Variants in CSMD1 observed in about 807,000 individuals in gnomAD.
CSMD1 encodes the protein CUB and Sushi multiple domains 1.
A neutral mutation model predicts 417.5 loss-of-function variants in CSMD1; 213 were observed. The observed-to-expected ratio is 0.51, with a 90% CI of 0.46 to 0.57. The LOEUF is 0.57. CSMD1 is among the 20% of genes least tolerant of loss of function. The probability of loss-of-function intolerance (pLI) is 0.00; values close to 1 mark genes in which losing one functional copy is unlikely to be tolerated. For synonymous variants in CSMD1, 2,862 were observed against 1,736.8 expected (o/e 1.65, Z -16.11); for missense variants, 6,923 against 4,529.7 (o/e 1.53, Z -15.17).
chr8:3,367,090 C>T lies in CSMD1; in HGVS notation c.3057G>A (p.Gln1019=). The T allele has an allele frequency of 1.9e-6, 3 of 1,613,830 alleles. No homozygotes were observed. The highest frequency in any genetic ancestry group is 1.1e-5 in the South Asian group (1 of 91,026). Residue 1019 remains glutamine (Q), a synonymous_variant, in exon 20 of 70, where the codon CAG becomes CAA. Coordinates refer to ENST00000635120, the MANE Select transcript of CSMD1 (RefSeq NM_033225.6). ...TTGAGAAGTCTGATATAAACCGAAG[C>T]TGGGCAGTGAAGTTTCCAAACAGGC... ...KAGLFGNFTA[Q]LRFISDFSIS... is the part of the protein sequence containing the mutation.
intron 3 of CSMD1, among the ~76,000 whole-genome samples, chr8:4,117,908 T>C (rs1233579025): frequency 8.0e-6 from 1 of 124,542 alleles, no homozygotes; most frequent in Non-Finnish European, 1.7e-5. Flanking sequence ...CATTTAAAAC[T>C]AGAGAAAGAA....
At chr8:4,148,886 T>C (rs1317981994) in intron 3 of CSMD1, among the ~76,000 whole-genome samples, 1 of 152,310 alleles carries the variant, frequency 6.6e-6, no homozygotes, top group East Asian at 1.9e-4. Flanking sequence ...ACAGCCTGCA[T>C]TCCATTCCCA....
chr8:3,878,804 C>G (rs796470897), intron 5 of CSMD1, among the ~76,000 whole-genome samples: 1 of 152,088 alleles, frequency 6.6e-6, no homozygotes, highest in East Asian at 1.9e-4. Context: ...ACTATAACGA[C>G]GACCACAAAT....
intron 2 of CSMD1, among the ~76,000 whole-genome samples, chr8:4,634,020 G>C (rs1480026109): frequency 1.3e-5 from 2 of 149,606 alleles, no homozygotes; most frequent in Non-Finnish European, 3.0e-5. Flanking sequence ...ACAATGAAGA[G>C]ATGCTTTAAT....
chr8:4,538,211 C>G (rs1422585723), intron 2 of CSMD1, among the ~76,000 whole-genome samples: 4 of 145,104 alleles, frequency 2.8e-5, no homozygotes, highest in Non-Finnish European at 6.0e-5. Context: ...TTTTTGCCTG[C>G]TATTTACTGC....
In CSMD1 at chr8:2,963,131, G is replaced by T. The variant is rs1803643603; in HGVS notation, c.9454+91C>A. 2.2e-6 allele frequency: 3 copies of T among 1,367,202 alleles called. No individual in the cohort carries two copies. In the African/African-American group the frequency reaches 4.3e-5, roughly 20 times the overall value. The allele number at this position is 1,367,202 out of a possible 1,614,324, so 84.7% of individuals were successfully genotyped here. ...AGGGCTATTATTACCCACCAGGAAG[G>T]TCCTCAGATTGTAACCTTAGGATGT... On this transcript the variant is annotated intron_variant, in intron 60 of 69. Transcript: ENST00000635120.
At chr8:4,990,083 A>G (rs1416598994) in intron 1 of CSMD1, among the ~76,000 whole-genome samples, 1 of 152,164 alleles carries the variant, frequency 6.6e-6, no homozygotes, top group Non-Finnish European at 1.5e-5. Context: ...TGCTTGAGAC[A>G]TGGGGGAATT....
chr8:3,698,282 A>G (rs1554514916), intron 7 of CSMD1, among the ~76,000 whole-genome samples: 1 of 152,216 alleles, frequency 6.6e-6, no homozygotes, highest in Non-Finnish European at 1.5e-5. Context: ...AGCATTTTTT[A>G]CAATCTACTA....
At chr8:4,319,038 T>G (rs1335962007) in intron 3 of CSMD1, among the ~76,000 whole-genome samples, 3 of 152,146 alleles carry the variant, frequency 2.0e-5, no homozygotes, top group Non-Finnish European at 4.4e-5. Flanking sequence ...AGGTACAAAC[T>G]CCTTGTTTGA....
chr8:4,110,719 C>A (rs4875279), intron 3 of CSMD1, among the ~76,000 whole-genome samples: 3 of 151,772 alleles, frequency 2.0e-5, no homozygotes, highest in South Asian at 2.1e-4. Context: ...TTTTTTTCCC[C>A]TTTCTCATGC....
chr8:4,182,123 C>T (rs909858474), intron 3 of CSMD1, among the ~76,000 whole-genome samples: 6 of 151,418 alleles, frequency 4.0e-5, no homozygotes, highest in African/African-American at 1.5e-4. Context: ...CTTAAACACA[C>T]CAAAAGAAGA....
At chr8:3,608,414 C>T (rs1180456985) in intron 8 of CSMD1, among the ~76,000 whole-genome samples, 1 of 152,048 alleles carries the variant, frequency 6.6e-6, no homozygotes, top group African/African-American at 2.4e-5. Flanking sequence ...TCCCTAAGTT[C>T]AGTTTCAGCA....
At chr8:4,500,982 G>C (rs1431969877) in intron 2 of CSMD1, among the ~76,000 whole-genome samples, 1 of 152,076 alleles carries the variant, frequency 6.6e-6, no homozygotes, top group African/African-American at 2.4e-5. Flanking sequence ...GCACCAAGAG[G>C]TTGATGATGT....
At chr8:3,938,058 A>G (rs1466280352) in intron 5 of CSMD1, among the ~76,000 whole-genome samples, 2 of 152,160 alleles carry the variant, frequency 1.3e-5, no homozygotes, top group Admixed American at 6.6e-5. Flanking sequence ...GACTTCCAAC[A>G]ATATTCTGGG....
rs191554542 is a variant in CSMD1 at position 4,450,869 on chromosome 8, A to G, written c.303-30804T>C. 1.8e-4 allele frequency among the ~76,000 whole-genome samples: 27 copies of G among 152,308 alleles called. No homozygotes were observed. The East Asian group carries it at 3.5e-3, about 20-fold the overall frequency. ...GGATGTGAGAGGAACAATTGTTAAT[A>G]TTCTTCCAACCAGATTGCGCTAATA... On this transcript the variant is annotated intron_variant, in intron 2 of 69. Coordinates refer to ENST00000635120, the MANE Select transcript of CSMD1 (RefSeq NM_033225.6).
At chr8:3,333,764 T>A (rs1160129221) in intron 23 of CSMD1, among the ~76,000 whole-genome samples, 1 of 152,222 alleles carries the variant, frequency 6.6e-6, no homozygotes, top group East Asian at 1.9e-4. Context: ...AAAAGATGCT[T>A]TGACTCAATT....
intron 25 of CSMD1, among the ~76,000 whole-genome samples, chr8:3,303,834 A>C (rs1315578884): frequency 6.6e-6 from 1 of 152,138 alleles, no homozygotes; most frequent in African/African-American, 2.4e-5. Flanking sequence ...TCTTGTGATT[A>C]GACTTTTAAT....
intron 3 of CSMD1, among the ~76,000 whole-genome samples, chr8:4,195,140 T>G (rs1211601402): frequency 1.3e-5 from 2 of 152,176 alleles, no homozygotes; most frequent in Admixed American, 6.5e-5. Flanking sequence ...AAATTCTACT[T>G]TGATGACAGT....
chr8:4,230,030 A>AAACATAAG (rs1222859536), intron 3 of CSMD1, among the ~76,000 whole-genome samples: 18 of 152,352 alleles, frequency 1.2e-4, no homozygotes, highest in African/African-American at 3.6e-4. Context: ...TCAACATTTT[A>AAACATAAG]AACATAAGAA....
Sources: gnomAD v4.1 joint callset for allele counts (sites outside exome capture counted in the v4.1 genomes callset) on GRCh38, gnomAD v4.1.1 for gene constraint, MANE v1.5 for transcripts, NCBI Gene and HGNC (gene_info 2026-07-23, HGNC 2026-07-21) for gene names.